PTGER4: variants seen among roughly 807,000 people sequenced by gnomAD.
PTGER4 encodes the protein prostaglandin E2 receptor EP4 subtype.
Under a neutral mutation model 33.2 loss-of-function variants are expected in PTGER4, and 11 were observed. The ratio of observed to expected loss-of-function variants is 0.33; its 90% CI spans 0.21 to 0.55. The LOEUF (loss-of-function observed/expected upper bound fraction) is 0.55. Among genes scored for constraint, PTGER4 ranks in the 20% least tolerant of loss-of-function variants. The pLI is 0.92. For synonymous variants in PTGER4, 275 were observed against 281.5 expected, an observed-to-expected ratio of 0.98 and a Z score of 0.23; for missense variants, 481 against 650.2, an observed-to-expected ratio of 0.74 and a Z score of 2.83.
At chr5:40,690,981 C>G (rs1300880456) in intron 2 of PTGER4, among the ~76,000 whole-genome samples, 2 of 152,190 alleles carry the variant, frequency 1.3e-5, no homozygotes, top group African/African-American at 4.8e-5. Flanking sequence ...TATACGAACT[C>G]AGAACATGTA....
At chr5:40,687,253 C>T (rs888146977) in intron 2 of PTGER4, among the ~76,000 whole-genome samples, 2 of 152,094 alleles carry the variant, frequency 1.3e-5, no homozygotes, top group African/African-American at 4.8e-5. Flanking sequence ...CCATGTTAGT[C>T]AGGCTGGTCT....
Position 40,692,116 on chromosome 5 carries a change from C to T in PTGER4, c.1205C>T (p.Pro402Leu), listed in dbSNP as rs1479484458. 4 of 1,614,242 alleles carry T rather than the reference C, an allele frequency of 2.5e-6. No individual in the cohort carries two copies. In the South Asian group the frequency reaches 4.4e-5, roughly 18 times the overall value. ...SQTLLPDLSL[P>L]DLSENGLGGR... ...ACCCTCCTGCCAGACCTCTCACTGC[C>T]AGACCTCAGTGAAAATGGCCTTGGA... The change falls in exon 3 of 3, where the codon CCA (proline) becomes CTA (leucine). Residue 402 changes from proline to leucine, a missense_variant. This residue lies in a region of PTGER4 where 172 missense variants were observed against 199.2 expected (regional missense o/e 0.86). Transcript: ENST00000302472.
Position 40,692,964 on chromosome 5 carries a change from A to G in PTGER4, c.*586A>G. On this transcript the variant is annotated 3_prime_UTR_variant, in exon 3 of 3. Transcript: ENST00000302472. ...TGCAGATGTTAGATATTTTTCATAA[A>G]CAAGTTCGAGTCAAAGTTGAAAATT... The G allele has an allele frequency of 1.0e-6, 1 of 956,878 alleles. No homozygotes were observed. Among genetic ancestry groups the G allele is most frequent in the Non-Finnish European group, 1.2e-6 (1 of 803,760 alleles). The allele number at this position is 956,878 out of a possible 1,614,324, so 59.3% of individuals were successfully genotyped here.
At chr5:40,698,796 G>T in the PTGER4 span, among the ~76,000 whole-genome samples, 1 of 152,066 alleles carries the variant, frequency 6.6e-6, no homozygotes, top group Admixed American at 6.5e-5. Context: ...TTATATAAAC[G>T]GCCTTTACTC....
At chr5:40,716,065 T>G in the PTGER4 span, 2 of 1,192,492 alleles carry the variant, frequency 1.7e-6, no homozygotes, top group Non-Finnish European at 2.3e-6. Flanking sequence ...CTCCTATCTA[T>G]CTCCAGAGTA....
chr5:40,693,774 G>A (rs1023423439), downstream of PTGER4: 1 of 936,066 alleles, frequency 1.1e-6, no homozygotes, highest in Non-Finnish European at 1.3e-6. Context: ...AACTTGTGGG[G>A]GCTTTTTTGT....
chr5:40,711,118 TG>T, the PTGER4 span, among the ~76,000 whole-genome samples: 2 of 151,626 alleles, frequency 1.3e-5, no homozygotes, highest in African/African-American at 4.9e-5. Context: ...ACAAGCAAGC[TG>T]CAGATAGGAA....
Position 40,692,565 on chromosome 5 carries a change from C to T in PTGER4, c.*187C>T, listed in dbSNP as rs569048711. 2.9e-6 allele frequency: 4 copies of T among 1,384,198 alleles called. No homozygotes were observed. Among genetic ancestry groups the T allele is most frequent in the Non-Finnish European group, 3.7e-6 (4 of 1,071,638 alleles). 85.7% of individuals were successfully genotyped at this position (1,384,198 alleles called of 1,614,324 possible). A position where few individuals can be genotyped will look rare whatever the true frequency, so the allele number is the denominator to read the frequency against. ...TGACTCACGTGGGTCCTGAGGCCTGCAGCACGTCGGATGCTACCCCACTAT... is the reference window on the plus strand; with the variant it reads ...TGACTCACGTGGGTCCTGAGGCCTGTAGCACGTCGGATGCTACCCCACTAT... On this transcript the variant is annotated 3_prime_UTR_variant, in exon 3 of 3. Transcript: ENST00000302472.
chr5:40,734,501 G>C, the PTGER4 span, among the ~76,000 whole-genome samples: 1 of 152,164 alleles, frequency 6.6e-6, no homozygotes, highest in Non-Finnish European at 1.5e-5. Context: ...TAGTTCCATG[G>C]ACTACAACAG....
At chr5:40,706,192 T>C in the PTGER4 span, among the ~76,000 whole-genome samples, 6 of 152,138 alleles carry the variant, frequency 3.9e-5, no homozygotes, top group Non-Finnish European at 5.9e-5. Context: ...CGGATGGAGC[T>C]GGAGGCTATC....
the PTGER4 span, among the ~76,000 whole-genome samples, chr5:40,701,948 GAGA>G: frequency 6.6e-6 from 1 of 152,168 alleles, no homozygotes; most frequent in Non-Finnish European, 1.5e-5. Flanking sequence ...CCAAGTGAAG[GAGA>G]AATAAGATCC....
chr5:40,704,458 C>T, the PTGER4 span, among the ~76,000 whole-genome samples: 2 of 152,088 alleles, frequency 1.3e-5, no homozygotes, highest in Non-Finnish European at 2.9e-5. Flanking sequence ...CACTTTTATT[C>T]AACATAGTAT....
the PTGER4 span, among the ~76,000 whole-genome samples, chr5:40,701,468 C>A: frequency 6.6e-6 from 1 of 151,894 alleles, no homozygotes; most frequent in Non-Finnish European, 1.5e-5. Context: ...ATAAGACAAT[C>A]AGACAAAAAT....
At chr5:40,733,236 A>G in the PTGER4 span, among the ~76,000 whole-genome samples, 7 of 152,288 alleles carry the variant, frequency 4.6e-5, no homozygotes, top group East Asian at 5.8e-4. Flanking sequence ...TTGAGGTTTC[A>G]GGAGTCTTTG....
the PTGER4 span, among the ~76,000 whole-genome samples, chr5:40,706,788 G>A: frequency 6.6e-6 from 1 of 152,098 alleles, no homozygotes; most frequent in Admixed American, 6.5e-5. Flanking sequence ...AGAAAGGTCA[G>A]GTTACCCACA....
rs540995410 is a variant in PTGER4, at chr5:40,693,476, A to G, written c.*1098A>G. On this transcript the variant is annotated 3_prime_UTR_variant, in exon 3 of 3. Transcript: ENST00000302472. Reference sequence around the variant, plus strand: ...TAAAAAGATTCCCAAACGTGGTTACATTAGCCATTCATGTATGTCAGAAGT... The same window carrying G: ...TAAAAAGATTCCCAAACGTGGTTACGTTAGCCATTCATGTATGTCAGAAGT... 2.0e-6 allele frequency: 2 copies of G among 986,018 alleles called. No homozygotes were observed. The highest frequency in any genetic ancestry group is 2.4e-6 in the Non-Finnish European group (2 of 829,936). The allele number at this position is 986,018 out of a possible 1,614,324, so 61.1% of individuals were successfully genotyped here. A position where few individuals can be genotyped will look rare whatever the true frequency, so the allele number is the denominator to read the frequency against.
At chr5:40,703,075 T>C in the PTGER4 span, among the ~76,000 whole-genome samples, 1 of 152,104 alleles carries the variant, frequency 6.6e-6, no homozygotes, top group South Asian at 2.1e-4. Context: ...AGATCTCAAA[T>C]TAACGACCTA....
At chr5:40,738,444 A>AAATACAATACAATACAATAC in the PTGER4 span, among the ~76,000 whole-genome samples, 3 of 83,646 alleles carry the variant, frequency 3.6e-5, no homozygotes, top group Non-Finnish European at 6.9e-5. Flanking sequence ...ATATAAAATA[A>AAATACAATACAATACAATAC]AATACAATAC....
At chr5:40,686,494 T>C (rs1741326143) in intron 2 of PTGER4, among the ~76,000 whole-genome samples, 1 of 152,248 alleles carries the variant, frequency 6.6e-6, no homozygotes. Context: ...ATATCTGTTA[T>C]ACGATAGGCA....
Sources: gnomAD v4.1 joint callset for allele counts (sites outside exome capture counted in the v4.1 genomes callset) on GRCh38, gnomAD v4.1.1 for gene constraint, gnomAD v4.1.1 regional missense constraint, MANE v1.5 for transcripts, NCBI Gene and HGNC (gene_info 2026-07-23, HGNC 2026-07-21) for gene names.